Variants in NCAM2 observed in about 807,000 individuals in gnomAD.
The protein encoded by NCAM2 is N-CAM-2.
NCAM2 carries 30 observed loss-of-function variants against 98.1 expected under a neutral mutation model. The ratio of observed to expected loss-of-function variants is 0.31; its 90% CI spans 0.23 to 0.41. The LOEUF is 0.41. Among genes scored for constraint, NCAM2 ranks in the 10% least tolerant of loss-of-function variants. The probability of loss-of-function intolerance (pLI) is 1.00; values close to 1 mark genes in which losing one functional copy is unlikely to be tolerated. For missense variants in NCAM2, 867 were observed against 1,005.8 expected (o/e 0.86, Z 1.87); for synonymous variants, 368 against 342.4 (o/e 1.07, Z -0.83).
rs73896910 is a variant in NCAM2 at position 21,466,475 on chromosome 21, A to C, written c.1655-131A>C. 3,190 of 648,816 alleles carry C rather than the reference A, an allele frequency of 4.9e-3. 98 individuals carry two copies. In the African/African-American group the frequency reaches 0.056, roughly 11 times the overall value. The allele number at this position is 648,816 out of a possible 1,614,324, so 40.2% of individuals were successfully genotyped here. On this transcript the variant is annotated intron_variant, in intron 12 of 17. Transcript: ENST00000400546. ...GACTTATCTATTTTTTAGGTATTTC[A>C]TGGAAAGATTTCAGTGAAATTATTC... is the stretch of plus-strand genomic sequence containing the variant.
chr21:21,445,372 A>T (rs980681104), intron 12 of NCAM2, among the ~76,000 whole-genome samples: 3 of 152,126 alleles, frequency 2.0e-5, no homozygotes, highest in African/African-American at 7.2e-5. Flanking sequence ...AGCTGAGTTA[A>T]AGTCCTGAAT....
At chr21:21,363,649 A>C (rs1242881579) in intron 8 of NCAM2, among the ~76,000 whole-genome samples, 1 of 152,104 alleles carries the variant, frequency 6.6e-6, no homozygotes. Flanking sequence ...GATTCATCAC[A>C]GTCTGACACA....
intron 8 of NCAM2, among the ~76,000 whole-genome samples, chr21:21,341,434 C>A (rs536860371): frequency 1.3e-5 from 2 of 152,116 alleles, no homozygotes; most frequent in Non-Finnish European, 2.9e-5. Flanking sequence ...TGAAAATTAA[C>A]AGCTAATATT....
At chr21:21,105,468 G>A (rs1043252167) in intron 1 of NCAM2, among the ~76,000 whole-genome samples, 7 of 151,996 alleles carry the variant, frequency 4.6e-5, no homozygotes, top group African/African-American at 1.2e-4. Flanking sequence ...AGAGTTCTGC[G>A]ATGCAATGGA....
chr21:21,162,367 T>G (rs1159823602), intron 1 of NCAM2, among the ~76,000 whole-genome samples: 1 of 152,014 alleles, frequency 6.6e-6, no homozygotes, highest in Admixed American at 6.6e-5. Context: ...ATAAAATGGG[T>G]CATGAGTTTG....
At chr21:21,263,564 A>C (rs1314720509) in intron 1 of NCAM2, among the ~76,000 whole-genome samples, 2 of 152,144 alleles carry the variant, frequency 1.3e-5, no homozygotes, top group African/African-American at 4.8e-5. Context: ...AATCCTAAGC[A>C]AAAACAACAG....
chr21:21,337,264 A>C (rs1015134279), intron 7 of NCAM2, among the ~76,000 whole-genome samples: 1 of 152,014 alleles, frequency 6.6e-6, no homozygotes, highest in Admixed American at 6.6e-5. Context: ...TACATTTCTG[A>C]TATTTTCATC....
intron 15 of NCAM2, among the ~76,000 whole-genome samples, chr21:21,484,015 TG>T (rs1986126061): frequency 1.3e-5 from 2 of 152,064 alleles, no homozygotes; most frequent in Non-Finnish European, 2.9e-5. Flanking sequence ...CATCAAACAT[TG>T]TGGGATATAT....
intron 4 of NCAM2, among the ~76,000 whole-genome samples, chr21:21,286,664 T>C (rs986533566): frequency 1.3e-5 from 2 of 151,800 alleles, no homozygotes; most frequent in African/African-American, 4.8e-5. Flanking sequence ...CTGTGGCAGC[T>C]TTGGAGGCAT....
At chr21:21,020,097 C>CGT (rs1362598697) in intron 1 of NCAM2, among the ~76,000 whole-genome samples, 1 of 151,926 alleles carries the variant, frequency 6.6e-6, no homozygotes, top group Non-Finnish European at 1.5e-5. Flanking sequence ...AGTGCAGTGG[C>CGT]GTGATCTAAG....
intron 1 of NCAM2, among the ~76,000 whole-genome samples, chr21:21,164,275 T>C (rs1328800200): frequency 6.6e-6 from 1 of 152,232 alleles, no homozygotes; most frequent in Non-Finnish European, 1.5e-5. Context: ...TTGAAAAATA[T>C]CTTGAAAATA....
intron 1 of NCAM2, among the ~76,000 whole-genome samples, chr21:21,055,070 A>G (rs962451035): frequency 5.9e-5 from 9 of 152,008 alleles, no homozygotes; most frequent in Non-Finnish European, 1.3e-4. Flanking sequence ...TAAACATGCT[A>G]TTTCTTTTTG....
At chr21:21,395,086 C>G (rs559647897) in intron 9 of NCAM2, among the ~76,000 whole-genome samples, 2 of 152,264 alleles carry the variant, frequency 1.3e-5, no homozygotes, top group East Asian at 3.9e-4. Context: ...AATCCCAACA[C>G]TTTGGCAGGC....
At chr21:21,138,292 C>CATTTAATGCAATGCATT (rs2067100867) in intron 1 of NCAM2, among the ~76,000 whole-genome samples, 1 of 152,150 alleles carries the variant, frequency 6.6e-6, no homozygotes, top group African/African-American at 2.4e-5. Context: ...GTTCATTCTG[C>CATTTAATGCAATGCATT]AAACCAGCAT....
At chr21:21,164,520 A>G (rs2067889296) in intron 1 of NCAM2, among the ~76,000 whole-genome samples, 1 of 152,166 alleles carries the variant, frequency 6.6e-6, no homozygotes, top group Non-Finnish European at 1.5e-5. Flanking sequence ...TGGTCAGATG[A>G]CAGAAGTTAG....
chr21:21,168,282 A>G (rs1288777054), intron 1 of NCAM2, among the ~76,000 whole-genome samples: 1 of 152,060 alleles, frequency 6.6e-6, no homozygotes, highest in African/African-American at 2.4e-5. Context: ...CAAACAAACA[A>G]TAGAGGGTAA....
intron 1 of NCAM2, chr21:21,147,068 G>T (rs1488455169): frequency 1.0e-6 from 1 of 962,126 alleles, no homozygotes; most frequent in Non-Finnish European, 1.2e-6. Flanking sequence ...CTTCTACTCC[G>T]GAACTGATAC....
chr21:21,409,028 A>T (rs9637141), intron 9 of NCAM2, among the ~76,000 whole-genome samples: 33,860 of 143,860 alleles, frequency 0.24, 4,134 homozygotes, highest in Non-Finnish European at 0.3. Context: ...TAAATTGATA[A>T]TTTTTGATGT....
At chr21:21,537,362 A>G (rs1225827747) in intron 17 of NCAM2, among the ~76,000 whole-genome samples, 2 of 152,156 alleles carry the variant, frequency 1.3e-5, no homozygotes, top group Non-Finnish European at 2.9e-5. Flanking sequence ...TCTGAATTTT[A>G]TGTAACAGAA....
Sources: allele counts gnomAD v4.1 joint callset (sites outside exome capture counted in the v4.1 genomes callset), GRCh38; gene constraint gnomAD v4.1.1; transcripts MANE v1.5; gene names NCBI Gene and HGNC (gene_info 2026-07-23, HGNC 2026-07-21).